Variants in ESRRG observed in about 807,000 individuals in gnomAD.
ESRRG encodes the protein estrogen related receptor gamma.
In ESRRG, 13 loss-of-function variants were observed where a neutral mutation model predicts 44.0. That is an observed-to-expected ratio of 0.30 (90% confidence interval 0.19 to 0.47). The LOEUF (loss-of-function observed/expected upper bound fraction) is 0.47. Among genes scored for constraint, ESRRG ranks in the 20% least tolerant of loss-of-function variants. The pLI, the probability that ESRRG is intolerant of heterozygous loss-of-function variation, is 1.00. For missense variants in ESRRG, 395 were observed against 580.6 expected, an observed-to-expected ratio of 0.68 and a Z score of 3.29; for synonymous variants, 215 against 214.6, an observed-to-expected ratio of 1.00 and a Z score of -0.02.
At chr1:216,604,827 T>C (rs2059711854) in intron 3 of ESRRG, among the ~76,000 whole-genome samples, 1 of 152,342 alleles carries the variant, frequency 6.6e-6, no homozygotes, top group East Asian at 1.9e-4. Flanking sequence ...ACATGCATTC[T>C]TGACCTTTTT....
chr1:216,544,222 A>G (rs2053768268), intron 5 of ESRRG, among the ~76,000 whole-genome samples: 1 of 152,100 alleles, frequency 6.6e-6, no homozygotes, highest in Admixed American at 6.6e-5. Flanking sequence ...AGTAATAATA[A>G]TTCAGAACTG....
At chr1:216,771,450 G>A (rs188286282) in intron 2 of ESRRG, among the ~76,000 whole-genome samples, 76 of 152,172 alleles carry the variant, frequency 5.0e-4, no homozygotes, top group African/African-American at 1.6e-3. Flanking sequence ...GAAGAACCTC[G>A]CCCTAAGGGA....
chr1:216,916,035 T>C (rs2061122560), intron 2 of ESRRG, among the ~76,000 whole-genome samples: 1 of 151,264 alleles, frequency 6.6e-6, no homozygotes, highest in African/African-American at 2.4e-5. Flanking sequence ...TCTACCACTG[T>C]GTGTGTGTGT....
chr1:216,814,088 G>A (rs1484957890), intron 2 of ESRRG, among the ~76,000 whole-genome samples: 2 of 151,478 alleles, frequency 1.3e-5, no homozygotes, highest in Non-Finnish European at 2.9e-5. Flanking sequence ...TAGTGCTAAT[G>A]TGCCCAAAAG....
At chr1:216,574,490 T>C (rs2149709110) in intron 3 of ESRRG, among the ~76,000 whole-genome samples, 1 of 152,270 alleles carries the variant, frequency 6.6e-6, no homozygotes, top group Middle Eastern at 3.4e-3. Flanking sequence ...AAGTCAAAAG[T>C]ATTTTTCACA....
intron 1 of ESRRG, among the ~76,000 whole-genome samples, chr1:217,125,371 C>T (rs1432566358): frequency 6.6e-6 from 1 of 152,148 alleles, no homozygotes; most frequent in Non-Finnish European, 1.5e-5. Context: ...CATAATAGTA[C>T]ATACTAGACT....
intron 2 of ESRRG, among the ~76,000 whole-genome samples, chr1:216,833,772 T>C (rs1474632415): frequency 2.6e-5 from 4 of 152,212 alleles, no homozygotes; most frequent in Admixed American, 1.3e-4. Flanking sequence ...TTCAGAGATT[T>C]TGCTGGGGAA....
intron 3 of ESRRG, among the ~76,000 whole-genome samples, chr1:216,618,950 C>T (rs2061796291): frequency 6.6e-6 from 1 of 152,238 alleles, no homozygotes; most frequent in Non-Finnish European, 1.5e-5. Context: ...GTGTGATTTA[C>T]TGGCAAATAC....
At chr1:216,727,407 G>A (rs180776629), upstream of ESRRG, among the ~76,000 whole-genome samples, 1 of 151,960 alleles carries the variant, frequency 6.6e-6, no homozygotes, top group Non-Finnish European at 1.5e-5. Flanking sequence ...GAGAAGCAAG[G>A]CACCAGGCTC....
intron 5 of ESRRG, among the ~76,000 whole-genome samples, chr1:216,520,584 C>G (rs922522337): frequency 6.6e-6 from 1 of 152,098 alleles, no homozygotes; most frequent in Non-Finnish European, 1.5e-5. Context: ...ACCTGATGAT[C>G]AGAAGCTTTT....
At chr1:216,977,568 C>T (rs1401201168) in intron 1 of ESRRG, among the ~76,000 whole-genome samples, 1 of 152,096 alleles carries the variant, frequency 6.6e-6, no homozygotes. Context: ...AAGTACAGGG[C>T]CAAGTTTCCT....
chr1:217,079,784 C>A (rs1007107530), intron 1 of ESRRG, among the ~76,000 whole-genome samples: 1 of 152,230 alleles, frequency 6.6e-6, no homozygotes, highest in Non-Finnish European at 1.5e-5. Context: ...CCTCTCAGAG[C>A]CAGGCACAGT....
chr1:216,861,240 C>A (rs1425182580), intron 2 of ESRRG, among the ~76,000 whole-genome samples: 1 of 151,614 alleles, frequency 6.6e-6, no homozygotes, highest in Admixed American at 6.6e-5. Flanking sequence ...TTAAACTTAA[C>A]CATATCAATA....
chr1:216,591,038 AT>A (rs982789964), intron 3 of ESRRG, among the ~76,000 whole-genome samples: 18 of 152,098 alleles, frequency 1.2e-4, no homozygotes, highest in Non-Finnish European at 7.4e-5. Flanking sequence ...TGCCCTTGAA[AT>A]TTCCTGAGTG....
intron 1 of ESRRG, among the ~76,000 whole-genome samples, chr1:217,073,282 T>G (rs7543791): frequency 0.064 from 9,585 of 149,300 alleles, 422 homozygotes; most frequent in African/African-American, 0.11. Flanking sequence ...AACCCAACTG[T>G]AGGCAAAATC....
chr1:216,559,555 A>G (rs2058298354), intron 5 of ESRRG, among the ~76,000 whole-genome samples: 1 of 152,228 alleles, frequency 6.6e-6, no homozygotes, highest in Admixed American at 6.5e-5. Flanking sequence ...CCCTTAGTCA[A>G]CCATGTCCTG....
At chr1:217,020,224 G>T (rs577589010) in intron 1 of ESRRG, among the ~76,000 whole-genome samples, 1 of 152,108 alleles carries the variant, frequency 6.6e-6, no homozygotes, top group African/African-American at 2.4e-5. Context: ...AAGGAGAGCC[G>T]ATATCACAGT....
At chr1:216,986,549 AAATAAT>A (rs758266827) in intron 1 of ESRRG, among the ~76,000 whole-genome samples, 1 of 151,456 alleles carries the variant, frequency 6.6e-6, no homozygotes, top group East Asian at 1.9e-4. Context: ...CGTCTCTGTA[AAATAAT>A]AATAATAATA....
chr1:217,088,559 C>T (rs1015623031), intron 1 of ESRRG, among the ~76,000 whole-genome samples: 1 of 151,882 alleles, frequency 6.6e-6, no homozygotes, highest in African/African-American at 2.4e-5. Flanking sequence ...ACATAGCAAA[C>T]GTGCTTCCCT....
Sources: gnomAD v4.1 joint callset for allele counts (sites outside exome capture counted in the v4.1 genomes callset) on GRCh38, gnomAD v4.1.1 for gene constraint, MANE v1.5 for transcripts, NCBI Gene and HGNC (gene_info 2026-07-23, HGNC 2026-07-21) for gene names.